The following TEK variants were observed in gnomAD, a reference collection of about 807,000 sequenced individuals.
TEK encodes angiopoietin-1 receptor.
TEK carries 43 observed loss-of-function variants against 131.8 expected under a neutral mutation model. The observed-to-expected ratio is 0.33, with a 90% CI of 0.26 to 0.42. TEK has a LOEUF of 0.42. Among genes scored for constraint, TEK ranks in the 10% least tolerant of loss-of-function variants. The pLI, the probability that TEK is intolerant of heterozygous loss-of-function variation, is 1.00. For synonymous variants in TEK, 580 were observed against 491.6 expected (o/e 1.18, Z -2.38); for missense variants, 1,162 against 1,384.4 (o/e 0.84, Z 2.55).
chr9:27,198,036 C>T (rs1397124206), intron 12 of TEK, among the ~76,000 whole-genome samples: 1 of 151,118 alleles, frequency 6.6e-6, no homozygotes, highest in Non-Finnish European at 1.5e-5. Context: ...AAAGATTTAT[C>T]TAGGAGTAAT....
chr9:27,192,362 C>T (rs1172681499), intron 10 of TEK, 127 bp from the exon 11 acceptor site: 1 of 1,041,764 alleles, frequency 9.6e-7, no homozygotes, highest in African/African-American at 1.6e-5. Flanking sequence ...GATGGAATTG[C>T]CTCTCTGTTT....
At chr9:27,110,742 A>C (rs1821309063) in intron 1 of TEK, among the ~76,000 whole-genome samples, 1 of 152,196 alleles carries the variant, frequency 6.6e-6, no homozygotes, top group South Asian at 2.1e-4. Flanking sequence ...TTTGTTTTAT[A>C]GCTCTCAACA....
chr9:27,195,522 A>T (rs1373840763), intron 11 of TEK, among the ~76,000 whole-genome samples: 1 of 152,010 alleles, frequency 6.6e-6, no homozygotes, highest in African/African-American at 2.4e-5. Context: ...CTAAGAACAA[A>T]TTTTTTTGCC....
In TEK at chr9:27,136,961, G is replaced by T. The variant is rs376161035; in HGVS notation, c.53-20870G>T. ...AAATGGAGTCTCGCTCTGTCACCAGGCTGGAGTGCAGTGGCGCAGTCTCGG... is the reference window on the plus strand; with the variant it reads ...AAATGGAGTCTCGCTCTGTCACCAGTCTGGAGTGCAGTGGCGCAGTCTCGG... On this transcript the variant is annotated intron_variant, in intron 1 of 22. Coordinates refer to ENST00000380036, the MANE Select transcript of TEK (RefSeq NM_000459.5). Among the ~76,000 whole-genome samples the T allele has an allele frequency of 8.5e-4, 130 of 152,174 alleles. No individual in the cohort carries two copies. In the Middle Eastern group the frequency reaches 0.017, roughly 20 times the overall value.
intron 18 of TEK, among the ~76,000 whole-genome samples, chr9:27,215,368 G>T (rs1438266299): frequency 6.6e-6 from 1 of 152,118 alleles, no homozygotes; most frequent in Non-Finnish European, 1.5e-5. Context: ...TTCCCTGCAA[G>T]AAAGGTGCAG....
intron 1 of TEK, among the ~76,000 whole-genome samples, chr9:27,127,176 T>A (rs959315220): frequency 1.3e-5 from 2 of 152,164 alleles, no homozygotes; most frequent in African/African-American, 4.8e-5. Context: ...CCCGCACCCG[T>A]GTCCATGTGT....
chr9:27,153,178 A>T (rs140355570), intron 1 of TEK, among the ~76,000 whole-genome samples: 1 of 152,282 alleles, frequency 6.6e-6, no homozygotes, highest in Non-Finnish European at 1.5e-5. Context: ...GGCTGGGCGC[A>T]TGGCTCACAC....
chr9:27,199,133 T>G (rs1332626345), intron 12 of TEK, among the ~76,000 whole-genome samples: 1 of 152,228 alleles, frequency 6.6e-6, no homozygotes, highest in Non-Finnish European at 1.5e-5. Flanking sequence ...TCTGAAAGTA[T>G]ACACATGCAT....
At chr9:27,199,058 C>T (rs1825125398) in intron 12 of TEK, among the ~76,000 whole-genome samples, 1 of 152,152 alleles carries the variant, frequency 6.6e-6, no homozygotes, top group Non-Finnish European at 1.5e-5. Flanking sequence ...CCTTCGCCTC[C>T]CAAAGTGCTG....
intron 1 of TEK, among the ~76,000 whole-genome samples, chr9:27,137,724 C>G (rs67830363): frequency 6.6e-6 from 1 of 151,852 alleles, no homozygotes; most frequent in African/African-American, 2.4e-5. Flanking sequence ...CAAAGAGATC[C>G]CAGAGGCTCA....
At chr9:27,181,603 GTTA>G (rs1205569129) in intron 7 of TEK, among the ~76,000 whole-genome samples, 1 of 151,966 alleles carries the variant, frequency 6.6e-6, no homozygotes, top group Non-Finnish European at 1.5e-5. Flanking sequence ...CTCACCATCT[GTTA>G]TTATAAAGAA....
chr9:27,197,683 A>G (rs2131197700), intron 12 of TEK, 84 bp downstream of exon 12: 2 of 1,539,506 alleles, frequency 1.3e-6, no homozygotes, highest in Non-Finnish European at 1.8e-6. Context: ...CTGCAGGACT[A>G]TTGGAAATTA....
intron 1 of TEK, among the ~76,000 whole-genome samples, chr9:27,141,922 T>C (rs1288846538): frequency 3.9e-5 from 6 of 152,240 alleles, no homozygotes; most frequent in Non-Finnish European, 8.8e-5. Context: ...TTTTTTTGAA[T>C]TGTGCAAAGT....
chr9:27,165,330 A>G (rs904807766), intron 2 of TEK, among the ~76,000 whole-genome samples: 1 of 152,110 alleles, frequency 6.6e-6, no homozygotes, highest in Non-Finnish European at 1.5e-5. Context: ...AAATGGTCAG[A>G]AAAAAATTCT....
chr9:27,175,853 A>C (rs1439833389), intron 6 of TEK, among the ~76,000 whole-genome samples: 1 of 151,764 alleles, frequency 6.6e-6, no homozygotes, highest in African/African-American at 2.4e-5. Flanking sequence ...TTTTCTTGTA[A>C]ATTTGTTTGT....
intron 1 of TEK, among the ~76,000 whole-genome samples, chr9:27,138,126 G>A (rs766733004): frequency 2.6e-5 from 4 of 152,212 alleles, no homozygotes; most frequent in African/African-American, 4.8e-5. Context: ...GACCCTCTCA[G>A]TGAGTGTTTC....
chr9:27,136,547 A>C (rs1055424925), intron 1 of TEK, among the ~76,000 whole-genome samples: 1 of 152,182 alleles, frequency 6.6e-6, no homozygotes, highest in African/African-American at 2.4e-5. Context: ...CTCCACCCCC[A>C]GACAGACACA....
chr9:27,110,774 T>A (rs528352161), intron 1 of TEK, among the ~76,000 whole-genome samples: 6 of 152,326 alleles, frequency 3.9e-5, no homozygotes, highest in Non-Finnish European at 7.4e-5. Flanking sequence ...GAGAATTTAA[T>A]AATATTCTTT....
chr9:27,197,693 A>G, intron 12 of TEK, 94 bp downstream of exon 12: 1 of 1,521,764 alleles, frequency 6.6e-7, no homozygotes, highest in Non-Finnish European at 9.0e-7. Flanking sequence ...ATTGGAAATT[A>G]TGAAAGAAAG....
Sources: allele counts gnomAD v4.1 joint callset (sites outside exome capture counted in the v4.1 genomes callset), GRCh38; gene constraint gnomAD v4.1.1; transcripts MANE v1.5; gene names NCBI Gene and HGNC (gene_info 2026-07-23, HGNC 2026-07-21).